LRRC4C: variants seen among roughly 807,000 people sequenced by gnomAD.
LRRC4C encodes the protein leucine rich repeat containing 4C, also known as leucine-rich repeat-containing protein 4C.
A neutral mutation model predicts 33.6 loss-of-function variants in LRRC4C; 5 were observed. The ratio of observed to expected loss-of-function variants is 0.15; its 90% confidence interval spans 0.08 to 0.31. LRRC4C has a LOEUF of 0.31. LRRC4C is among the 10% of genes least tolerant of loss of function. LRRC4C has a pLI of 1.00. For missense variants in LRRC4C, 560 were observed against 796.7 expected (o/e 0.70, Z 3.58); for synonymous variants, 329 against 302.0 (o/e 1.09, Z -0.93).
chr11:40,517,298 T>A (rs7930795), intron 3 of LRRC4C, among the ~76,000 whole-genome samples: 1 of 152,070 alleles, frequency 6.6e-6, no homozygotes, highest in Non-Finnish European at 1.5e-5. Context: ...AAAAAGAGGT[T>A]CAATCGATGA....
chr11:40,698,452 T>C (rs1945690276), intron 2 of LRRC4C, among the ~76,000 whole-genome samples: 1 of 152,130 alleles, frequency 6.6e-6, no homozygotes, highest in Non-Finnish European at 1.5e-5. Flanking sequence ...AAGAGCATTT[T>C]TTTTTTCCTT....
At chr11:40,816,301 G>T (rs12146589) in intron 2 of LRRC4C, among the ~76,000 whole-genome samples, 85,895 of 152,080 alleles carry the variant, frequency 0.56, 28,320 homozygotes, top group East Asian at 0.86. Flanking sequence ...CAGATTGCTG[G>T]ATTTTACTCT....
chr11:40,870,416 A>C (rs1012866672), intron 2 of LRRC4C, among the ~76,000 whole-genome samples: 3 of 152,100 alleles, frequency 2.0e-5, no homozygotes, highest in Non-Finnish European at 4.4e-5. Context: ...ATCTATTTTG[A>C]ATACAAGTTC....
At chr11:40,215,927 C>T (rs141813463) in intron 5 of LRRC4C, among the ~76,000 whole-genome samples, 1 of 152,230 alleles carries the variant, frequency 6.6e-6, no homozygotes, top group African/African-American at 2.4e-5. Flanking sequence ...GGGAAATTTG[C>T]AGAGCATTCA....
At chr11:41,164,135 C>T (rs1319231321) in intron 1 of LRRC4C, among the ~76,000 whole-genome samples, 4 of 149,214 alleles carry the variant, frequency 2.7e-5, no homozygotes, top group Non-Finnish European at 4.5e-5. Context: ...TTTCACTGTA[C>T]AAAGAATATT....
At chr11:40,205,991 C>T (rs1863118582) in intron 5 of LRRC4C, among the ~76,000 whole-genome samples, 1 of 152,018 alleles carries the variant, frequency 6.6e-6, no homozygotes, top group Non-Finnish European at 1.5e-5. Context: ...TTATTTGTAT[C>T]TTTCTTCTGA....
At chr11:40,512,876 G>T (rs1955387520) in intron 3 of LRRC4C, among the ~76,000 whole-genome samples, 1 of 152,088 alleles carries the variant, frequency 6.6e-6, no homozygotes, top group African/African-American at 2.4e-5. Flanking sequence ...ACTGAGATAG[G>T]CATACAAGAC....
intron 2 of LRRC4C, among the ~76,000 whole-genome samples, chr11:40,893,006 T>C (rs1327152690): frequency 6.6e-6 from 1 of 152,146 alleles, no homozygotes; most frequent in African/African-American, 2.4e-5. Context: ...TTTATCTCTA[T>C]GTGTTTTTTT....
chr11:40,790,038 T>C (rs1332309639), intron 2 of LRRC4C, among the ~76,000 whole-genome samples: 3 of 152,188 alleles, frequency 2.0e-5, no homozygotes, highest in East Asian at 1.9e-4. Context: ...ACTTGAAAGA[T>C]TGGAACAATA....
At chr11:40,442,217 A>G (rs901256194) in intron 3 of LRRC4C, among the ~76,000 whole-genome samples, 5 of 149,884 alleles carry the variant, frequency 3.3e-5, no homozygotes, top group African/African-American at 9.8e-5. Context: ...CCTTCATTGT[A>G]AAAGTCATTA....
At chr11:40,843,833 T>C (rs1953025775) in intron 2 of LRRC4C, among the ~76,000 whole-genome samples, 1 of 152,208 alleles carries the variant, frequency 6.6e-6, no homozygotes. Flanking sequence ...AGTGTCTTCA[T>C]ATGGTTCAAA....
At chr11:40,567,272 A>G (rs1013957121) in intron 3 of LRRC4C, among the ~76,000 whole-genome samples, 10 of 152,110 alleles carry the variant, frequency 6.6e-5, no homozygotes, top group African/African-American at 1.9e-4. Context: ...TGGTAATCAC[A>G]TTTTTTTAAC....
intron 4 of LRRC4C, among the ~76,000 whole-genome samples, chr11:40,305,229 T>C (rs1342402582): frequency 6.6e-6 from 1 of 152,234 alleles, no homozygotes; most frequent in East Asian, 1.9e-4. Flanking sequence ...GCAACTCAAT[T>C]GGCTACCCCA....
intron 4 of LRRC4C, among the ~76,000 whole-genome samples, chr11:40,265,831 T>A (rs950760617): frequency 1.3e-5 from 2 of 152,134 alleles, no homozygotes; most frequent in African/African-American, 4.8e-5. Flanking sequence ...GTGATTTGAG[T>A]TGCTGCGGGG....
chr11:40,720,947 C>A (rs1021210291), intron 2 of LRRC4C, among the ~76,000 whole-genome samples: 1 of 152,004 alleles, frequency 6.6e-6, no homozygotes, highest in Non-Finnish European at 1.5e-5. Flanking sequence ...TGAAAGGGAC[C>A]CTTGCCATAG....
At chr11:40,215,804 C>A (rs1863931638) in intron 5 of LRRC4C, among the ~76,000 whole-genome samples, 1 of 152,000 alleles carries the variant, frequency 6.6e-6, no homozygotes, top group Non-Finnish European at 1.5e-5. Context: ...AGGACTGGCT[C>A]AAGAAAGAAA....
rs12277214 is a variant in LRRC4C at position 40,922,389 on chromosome 11, T to C, written c.-407+11246A>G. On this transcript the variant is annotated intron_variant, in intron 2 of 6. Coordinates refer to ENST00000528697, the MANE Select transcript of LRRC4C (RefSeq NM_001258419.2). ...CATAGCTATTTCCTTTGTAAGGCTG[T>C]CCACTTAATCTTTATAATTCATTTG... Among the ~76,000 whole-genome samples, 611 of 152,318 alleles carry C rather than the reference T, an allele frequency of 4.0e-3. 6 individuals carry two copies. The highest frequency in any genetic ancestry group is 0.014 in the African/African-American group (586 of 41,566).
At chr11:41,308,808 T>TC (rs1950571282) in intron 1 of LRRC4C, among the ~76,000 whole-genome samples, 1 of 151,656 alleles carries the variant, frequency 6.6e-6, no homozygotes, top group East Asian at 1.9e-4. Flanking sequence ...TCTCTTTTTT[T>TC]CTTTTTTTTT....
At chr11:41,233,768 A>T (rs1947904118) in intron 1 of LRRC4C, among the ~76,000 whole-genome samples, 2 of 152,036 alleles carry the variant, frequency 1.3e-5, no homozygotes, top group African/African-American at 2.4e-5. Context: ...ATATATTTCT[A>T]TGACTTTTTC....
Sources: gnomAD v4.1 joint callset for allele counts (sites outside exome capture counted in the v4.1 genomes callset) on GRCh38, gnomAD v4.1.1 for gene constraint, MANE v1.5 for transcripts, NCBI Gene and HGNC (gene_info 2026-07-23, HGNC 2026-07-21) for gene names.